ZNF420: variants seen among roughly 807,000 people sequenced by gnomAD.
ZNF420 encodes ATM and p53-associated KZNF protein.
Under a neutral mutation model 44.7 loss-of-function variants are expected in ZNF420, and 31 were observed. The ratio of observed to expected loss-of-function variants is 0.69; its 90% CI spans 0.52 to 0.94. The LOEUF (loss-of-function observed/expected upper bound fraction) is 0.94, where lower values mean the gene tolerates loss of function less well. ZNF420 is among the 40% of genes least tolerant of loss of function. The pLI, the probability that ZNF420 is intolerant of heterozygous loss-of-function variation, is 0.00. For synonymous variants in ZNF420, 245 were observed against 267.4 expected, an observed-to-expected ratio of 0.92 and a Z score of 0.82; for missense variants, 681 against 827.9, an observed-to-expected ratio of 0.82 and a Z score of 2.18.
chr19:37,116,624 C>T (rs1032643833), intron 4 of ZNF420, among the ~76,000 whole-genome samples: 4 of 152,064 alleles, frequency 2.6e-5, no homozygotes, highest in African/African-American at 9.7e-5. Context: ...GTGGGTGCAG[C>T]ACACTGTGTG....
intron 2 of ZNF420, among the ~76,000 whole-genome samples, chr19:37,082,740 T>C (rs149696375): frequency 6.6e-5 from 10 of 152,308 alleles, no homozygotes; most frequent in African/African-American, 2.4e-4. Flanking sequence ...TATAATCAAA[T>C]TACTGTGTTT....
intron 1 of ZNF420, among the ~76,000 whole-genome samples, chr19:37,024,082 T>G (rs1159102624): frequency 6.6e-6 from 1 of 152,120 alleles, no homozygotes; most frequent in Non-Finnish European, 1.5e-5. Flanking sequence ...GCCTGCTACT[T>G]GGAGGCTTCA....
chr19:37,056,898 C>G (rs937345255), intron 1 of ZNF420, among the ~76,000 whole-genome samples: 2 of 152,380 alleles, frequency 1.3e-5, no homozygotes, highest in East Asian at 3.9e-4. Context: ...CCAGCCACCG[C>G]CAGGGTTGCA....
chr19:37,051,267 A>G (rs972340158), intron 1 of ZNF420, among the ~76,000 whole-genome samples: 124 of 152,124 alleles, frequency 8.2e-4, no homozygotes, highest in African/African-American at 2.9e-3. Flanking sequence ...CTCTTTTTCT[A>G]TTTATTGGAA....
At chr19:37,075,741 CAAAACA>C (rs549106473), upstream of ZNF420, among the ~76,000 whole-genome samples, 45 of 151,442 alleles carry the variant, frequency 3.0e-4, no homozygotes, top group African/African-American at 7.5e-4. Context: ...GACTCTGTCT[CAAAACA>C]AAAACAAAAA....
chr19:37,029,799 G>A (rs780231663), intron 1 of ZNF420, among the ~76,000 whole-genome samples: 1 of 151,890 alleles, frequency 6.6e-6, no homozygotes, highest in Non-Finnish European at 1.5e-5. Context: ...TGAGCCACGC[G>A]CCTGGCCAAT....
At chr19:37,124,496 TTTA>T in intron 4 of ZNF420, among the ~76,000 whole-genome samples, 1 of 152,176 alleles carries the variant, frequency 6.6e-6, no homozygotes, top group African/African-American at 2.4e-5. Context: ...TAAATGTATG[TTTA>T]ACATTATAAG....
At chr19:37,068,246 A>C (rs1004316785) in intron 1 of ZNF420, among the ~76,000 whole-genome samples, 5 of 152,204 alleles carry the variant, frequency 3.3e-5, no homozygotes, top group Non-Finnish European at 7.3e-5. Context: ...AGAGTAGCAG[A>C]AAAGGTTGGG....
intron 1 of ZNF420, among the ~76,000 whole-genome samples, chr19:37,050,601 A>C (rs1208289823): frequency 2.6e-5 from 4 of 152,178 alleles, no homozygotes; most frequent in African/African-American, 9.7e-5. Flanking sequence ...TTATCAGCTT[A>C]AGGAGATTTT....
intron 1 of ZNF420, among the ~76,000 whole-genome samples, chr19:37,037,385 C>A (rs973521177): frequency 6.6e-6 from 1 of 152,230 alleles, no homozygotes; most frequent in African/African-American, 2.4e-5. Context: ...TGCGTCATGT[C>A]TTCTCAGCGC....
At chr19:37,027,038 T>G (rs1691946258) in intron 1 of ZNF420, among the ~76,000 whole-genome samples, 1 of 152,268 alleles carries the variant, frequency 6.6e-6, no homozygotes, top group African/African-American at 2.4e-5. Context: ...TTTTAAAGTT[T>G]CACTTTTTGG....
chr19:37,013,560 C>G (rs1037065250), intron 1 of ZNF420, among the ~76,000 whole-genome samples: 3 of 151,914 alleles, frequency 2.0e-5, no homozygotes, highest in Admixed American at 6.5e-5. Context: ...GCGCGGGATC[C>G]CAGCTTCAGG....
chr19:37,124,341 A>T (rs1461609202), intron 4 of ZNF420, among the ~76,000 whole-genome samples: 4 of 152,260 alleles, frequency 2.6e-5, no homozygotes, highest in Non-Finnish European at 5.9e-5. Flanking sequence ...TGGAATGGCC[A>T]AAGTTTGCTG....
At chr19:37,048,702 T>A (rs1967584991) in intron 1 of ZNF420, among the ~76,000 whole-genome samples, 1 of 152,282 alleles carries the variant, frequency 6.6e-6, no homozygotes, top group South Asian at 2.1e-4. Flanking sequence ...TTTTTTAATT[T>A]TTTAATTTTT....
At chr19:37,064,073 A>C (rs894418790) in intron 1 of ZNF420, among the ~76,000 whole-genome samples, 6 of 152,222 alleles carry the variant, frequency 3.9e-5, no homozygotes, top group Non-Finnish European at 8.8e-5. Flanking sequence ...AGAATGCCAC[A>C]AAAGTGATGC....
chr19:37,064,711 T>A (rs1034418923), intron 1 of ZNF420, among the ~76,000 whole-genome samples: 3 of 152,230 alleles, frequency 2.0e-5, no homozygotes, highest in Non-Finnish European at 4.4e-5. Context: ...CAAGCTACAG[T>A]GCAGTGCTTT....
chr19:37,069,862 T>A (rs1375684178), intron 1 of ZNF420, among the ~76,000 whole-genome samples: 1 of 151,968 alleles, frequency 6.6e-6, no homozygotes, highest in Non-Finnish European at 1.5e-5. Context: ...ATTGATAATA[T>A]CTAGCATCCA....
intron 1 of ZNF420, among the ~76,000 whole-genome samples, chr19:37,041,570 C>G (rs1161567234): frequency 6.6e-6 from 1 of 152,140 alleles, no homozygotes; most frequent in Non-Finnish European, 1.5e-5. Flanking sequence ...AGCAATCTGT[C>G]TTCTCAAGAT....
upstream of ZNF420, among the ~76,000 whole-genome samples, chr19:37,074,284 T>C (rs890148502): frequency 6.6e-6 from 1 of 152,216 alleles, no homozygotes. Context: ...TGGATCAAAC[T>C]GAAATTATGT....
Sources: allele counts gnomAD v4.1 joint callset (sites outside exome capture counted in the v4.1 genomes callset), GRCh38; gene constraint gnomAD v4.1.1; transcripts MANE v1.5; gene names NCBI Gene and HGNC (gene_info 2026-07-23, HGNC 2026-07-21).